Variants in CSMD3 observed in about 807,000 individuals in gnomAD.
The protein encoded by CSMD3 is CUB and Sushi multiple domains 3.
CSMD3 carries 177 observed loss-of-function variants against 435.2 expected under a neutral mutation model. That is an observed-to-expected ratio of 0.41 (90% confidence interval 0.36 to 0.46). CSMD3 has a LOEUF of 0.46. Ranked by LOEUF, CSMD3 falls within the 20% of genes least tolerant of loss-of-function variation. CSMD3 has a pLI of 0.34. For missense variants in CSMD3, 4,265 were observed against 4,504.6 expected, an observed-to-expected ratio of 0.95 and a Z score of 1.52; for synonymous variants, 1,656 against 1,520.5, an observed-to-expected ratio of 1.09 and a Z score of -2.07.
chr8:113,018,837 T>A, intron 6 of CSMD3: 2 of 530,888 alleles, frequency 3.8e-6, no homozygotes, highest in Non-Finnish European at 6.7e-6. Context: ...CATACTACCT[T>A]TTAGAAATCA....
chr8:112,594,664 T>A (rs2131383346), intron 22 of CSMD3, among the ~76,000 whole-genome samples: 1 of 152,266 alleles, frequency 6.6e-6, no homozygotes, highest in Admixed American at 6.5e-5. Context: ...CAGCTGGAGA[T>A]CTGAGAACGG....
intron 22 of CSMD3, among the ~76,000 whole-genome samples, chr8:112,630,727 T>C (rs192956711): frequency 2.6e-3 from 397 of 152,172 alleles, no homozygotes; most frequent in African/African-American, 9.1e-3. Context: ...GCTTGGATGA[T>C]TGAATAAGAA....
chr8:112,996,253 C>T (rs1190319146), intron 6 of CSMD3, among the ~76,000 whole-genome samples: 1 of 151,502 alleles, frequency 6.6e-6, no homozygotes, highest in Non-Finnish European at 1.5e-5. Flanking sequence ...CCAACATCTT[C>T]CCAACCTCCG....
At chr8:112,466,031 A>T (rs1273197437) in intron 32 of CSMD3, among the ~76,000 whole-genome samples, 1 of 152,154 alleles carries the variant, frequency 6.6e-6, no homozygotes, top group Non-Finnish European at 1.5e-5. Flanking sequence ...CTAAAAAGTA[A>T]TGACAAATAG....
chr8:112,873,904 A>G lies in CSMD3; in HGVS notation c.1634-14638T>C, dbSNP rs140640695. Reference sequence around the variant, plus strand: ...TTTTTGAAGGGTTTTTCATATCTCTATCTCCTTCAGTTCTGCTGTGATCTT... The same window carrying G: ...TTTTTGAAGGGTTTTTCATATCTCTGTCTCCTTCAGTTCTGCTGTGATCTT... On this transcript the variant is annotated intron_variant, in intron 10 of 70. Coordinates refer to ENST00000297405, the MANE Select transcript of CSMD3 (RefSeq NM_198123.2). 3.3e-3 allele frequency among the ~76,000 whole-genome samples: 496 copies of G among 151,762 alleles called. 4 individuals are homozygous for G. The highest frequency in any genetic ancestry group is 0.01 in the African/African-American group (414 of 41,392).
intron 31 of CSMD3, among the ~76,000 whole-genome samples, chr8:112,482,538 G>T (rs1168255749): frequency 1.3e-5 from 2 of 152,066 alleles, no homozygotes; most frequent in African/African-American, 4.8e-5. Context: ...GCACGCTGTT[G>T]TCACTACCCC....
intron 13 of CSMD3, among the ~76,000 whole-genome samples, chr8:112,761,929 T>G (rs2077848734): frequency 6.6e-6 from 1 of 152,072 alleles, no homozygotes; most frequent in African/African-American, 2.4e-5. Flanking sequence ...GGTGAATGTT[T>G]TAGTTCACAA....
At chr8:113,068,661 C>T (rs1190334188) in intron 5 of CSMD3, among the ~76,000 whole-genome samples, 1 of 152,128 alleles carries the variant, frequency 6.6e-6, no homozygotes, top group Non-Finnish European at 1.5e-5. Context: ...AGAACTAAGC[C>T]TTCTGTACCA....
chr8:112,589,281 C>A (rs1830979586), intron 22 of CSMD3, among the ~76,000 whole-genome samples: 1 of 152,074 alleles, frequency 6.6e-6, no homozygotes, highest in South Asian at 2.1e-4. Context: ...CTGCCCTGAG[C>A]TACTACTGGC....
At chr8:112,991,022 G>T (rs2085438798) in intron 6 of CSMD3, among the ~76,000 whole-genome samples, 1 of 151,620 alleles carries the variant, frequency 6.6e-6, no homozygotes, top group South Asian at 2.1e-4. Flanking sequence ...AAGAAAAATG[G>T]AAAAACAGAA....
chr8:112,752,215 C>T (rs2077586277), intron 13 of CSMD3, among the ~76,000 whole-genome samples: 1 of 152,122 alleles, frequency 6.6e-6, no homozygotes, highest in Admixed American at 6.6e-5. Flanking sequence ...ACACTATACT[C>T]TGTTGGTTTT....
intron 1 of CSMD3, among the ~76,000 whole-genome samples, chr8:113,410,715 G>A (rs570971549): frequency 1.4e-5 from 2 of 142,816 alleles, no homozygotes; most frequent in African/African-American, 5.3e-5. Context: ...TTCCAAATAA[G>A]CCTTAGTGAG....
At chr8:112,492,369 C>A in intron 31 of CSMD3, 120 bp downstream of exon 31, 2 of 795,056 alleles carry the variant, frequency 2.5e-6, no homozygotes, top group South Asian at 1.5e-5. Context: ...CTCTGCATTG[C>A]TAGTACGACA....
intron 13 of CSMD3, among the ~76,000 whole-genome samples, chr8:112,730,318 TGAGAAG>T (rs1563903408): frequency 2.2e-4 from 33 of 152,132 alleles, no homozygotes; most frequent in Non-Finnish European, 4.1e-4. Flanking sequence ...GGTCACTGAC[TGAGAAG>T]TCGCTAGTGG....
chr8:112,973,309 C>T lies in CSMD3; in HGVS notation c.1342+2528G>A, dbSNP rs187220157. Among the ~76,000 whole-genome samples the T allele has an allele frequency of 1.7e-4, 26 of 151,926 alleles. 1 individual carries two copies. Among genetic ancestry groups the T allele is most frequent in the Admixed American group, 5.9e-4 (9 of 15,262 alleles). ...CTAAAAAAATTAAGCAATTGGTTTT[C>T]GGTTGTTTACCAACTCATTGAAAAA... On this transcript the variant is annotated intron_variant, in intron 7 of 70. Transcript: ENST00000297405.
chr8:112,763,563 T>G (rs2077897575), intron 13 of CSMD3, among the ~76,000 whole-genome samples: 1 of 148,060 alleles, frequency 6.8e-6, no homozygotes, highest in Non-Finnish European at 1.5e-5. Flanking sequence ...AAACAACTAT[T>G]CAGATCCAGA....
At chr8:112,634,271 C>T (rs540970820) in intron 22 of CSMD3, among the ~76,000 whole-genome samples, 1 of 151,760 alleles carries the variant, frequency 6.6e-6, no homozygotes, top group South Asian at 2.1e-4. Flanking sequence ...GAAATATACA[C>T]ATACGTGTGT....
At chr8:112,629,191 C>T (rs1312677810) in intron 22 of CSMD3, among the ~76,000 whole-genome samples, 1 of 151,808 alleles carries the variant, frequency 6.6e-6, no homozygotes, top group African/African-American at 2.4e-5. Flanking sequence ...TGTTTTCTCA[C>T]TGCGATTTTA....
chr8:112,396,600 T>C (rs976623345), intron 35 of CSMD3, among the ~76,000 whole-genome samples: 8 of 152,156 alleles, frequency 5.3e-5, no homozygotes, highest in Non-Finnish European at 8.8e-5. Flanking sequence ...TGGTAAGGGT[T>C]GTCAGACCCT....
Sources: allele counts gnomAD v4.1 joint callset (sites outside exome capture counted in the v4.1 genomes callset), GRCh38; gene constraint gnomAD v4.1.1; transcripts MANE v1.5; gene names NCBI Gene and HGNC (gene_info 2026-07-23, HGNC 2026-07-21).